Variants in TCF4 observed in about 807,000 individuals in gnomAD.
The protein encoded by TCF4 is SL3-3 enhancer factor 2.
A neutral mutation model predicts 82.1 loss-of-function variants in TCF4; 3 were observed. The ratio of observed to expected loss-of-function variants is 0.04; its 90% CI spans 0.02 to 0.09. The LOEUF is 0.09. Among genes scored for constraint, TCF4 ranks in the 10% least tolerant of loss-of-function variants. The probability of loss-of-function intolerance (pLI) is 1.00; values close to 1 mark genes in which losing one functional copy is unlikely to be tolerated. For synonymous variants in TCF4, 276 were observed against 309.6 expected (o/e 0.89, Z 1.14); for missense variants, 518 against 852.7 (o/e 0.61, Z 4.89).
intron 6 of TCF4, among the ~76,000 whole-genome samples, chr18:55,366,363 T>C (rs1479913355): frequency 6.6e-6 from 1 of 152,226 alleles, no homozygotes; most frequent in African/African-American, 2.4e-5. Context: ...TATGTTTTGC[T>C]ATAGAAATAA....
chr18:55,524,102 G>A (rs766665755), intron 3 of TCF4, among the ~76,000 whole-genome samples: 1 of 152,022 alleles, frequency 6.6e-6, no homozygotes, highest in Non-Finnish European at 1.5e-5. Flanking sequence ...TGCCTCTACA[G>A]TGTGAATAGA....
intron 3 of TCF4, among the ~76,000 whole-genome samples, chr18:55,473,693 C>A (rs1359876013): frequency 6.6e-6 from 1 of 152,172 alleles, no homozygotes; most frequent in Non-Finnish European, 1.5e-5. Context: ...CTCAAATGTG[C>A]AAACCACACT....
chr18:55,382,672 T>A (rs1379886437), intron 6 of TCF4, among the ~76,000 whole-genome samples: 1 of 152,146 alleles, frequency 6.6e-6, no homozygotes, highest in Non-Finnish European at 1.5e-5. Flanking sequence ...AAAAAGGAAG[T>A]CATTTATCAT....
intron 2 of TCF4, among the ~76,000 whole-genome samples, chr18:55,617,037 A>G (rs962916692): frequency 6.6e-5 from 10 of 152,024 alleles, no homozygotes; most frequent in Non-Finnish European, 1.2e-4. Context: ...TTTTTCCCCA[A>G]TGTTTTCTTC....
intron 2 of TCF4, among the ~76,000 whole-genome samples, chr18:55,616,361 T>C (rs1463376337): frequency 6.6e-6 from 1 of 152,102 alleles, no homozygotes; most frequent in Admixed American, 6.5e-5. Context: ...CTTTATCTGT[T>C]CATCCATTGA....
At chr18:55,511,056 T>C (rs1300421961) in intron 3 of TCF4, among the ~76,000 whole-genome samples, 1 of 152,080 alleles carries the variant, frequency 6.6e-6, no homozygotes, top group Non-Finnish European at 1.5e-5. Flanking sequence ...TTTCCTTCCT[T>C]TACGCATCAA....
intron 8 of TCF4, among the ~76,000 whole-genome samples, chr18:55,333,144 T>C (rs1316435204): frequency 6.6e-6 from 1 of 152,196 alleles, no homozygotes; most frequent in East Asian, 1.9e-4. Flanking sequence ...CCTTTTTTTC[T>C]TAAGGTTTCC....
intron 4 of TCF4, 80 bp downstream of exon 4, chr18:55,463,996 G>A (rs1265051721): frequency 1.2e-5 from 16 of 1,293,450 alleles, no homozygotes; most frequent in Non-Finnish European, 1.8e-5. Context: ...GAGAGAGAGA[G>A]AGAGAGAAAC....
In TCF4 at chr18:55,401,218, C is replaced by A; in HGVS notation, c.369+2236G>T. On this transcript the variant is annotated intron_variant, in intron 6 of 19. Transcript: ENST00000354452. ...AGAAAGCAGAAATTCATACTCTGTA[C>A]ATTTTTCATCTTCAGTCCCTATTTT... The A allele has an allele frequency of 2.5e-6, 3 of 1,197,536 alleles. No individual in the cohort carries two copies. In the South Asian group the frequency reaches 4.7e-5, roughly 19 times the overall value. The allele number at this position is 1,197,536 out of a possible 1,614,324, so 74.2% of individuals were successfully genotyped here. A position where few individuals can be genotyped will look rare whatever the true frequency, so the allele number is the denominator to read the frequency against.
chr18:55,558,764 G>A (rs1434390887), intron 3 of TCF4, among the ~76,000 whole-genome samples: 1 of 152,098 alleles, frequency 6.6e-6, no homozygotes, highest in Admixed American at 6.6e-5. Context: ...CTCTTTGAAA[G>A]GATGTGATAT....
intron 3 of TCF4, among the ~76,000 whole-genome samples, chr18:55,564,238 C>T (rs1362894133): frequency 1.3e-5 from 2 of 152,204 alleles, no homozygotes; most frequent in Non-Finnish European, 2.9e-5. Context: ...CAGTATACAG[C>T]AGCAGAAGGA....
chr18:55,281,115 A>G (rs548048179), intron 8 of TCF4, among the ~76,000 whole-genome samples: 3 of 152,322 alleles, frequency 2.0e-5, no homozygotes, highest in Admixed American at 2.0e-4. Context: ...TGTAATTTTC[A>G]TCACATTTTA....
chr18:55,309,094 T>C (rs2071356190), intron 8 of TCF4, among the ~76,000 whole-genome samples: 1 of 151,586 alleles, frequency 6.6e-6, no homozygotes, highest in African/African-American at 2.4e-5. Flanking sequence ...ACATCATTTA[T>C]TTATTATTAT....
At chr18:55,272,848 C>T (rs1409338353) in intron 10 of TCF4, among the ~76,000 whole-genome samples, 2 of 151,998 alleles carry the variant, frequency 1.3e-5, no homozygotes, top group Non-Finnish European at 2.9e-5. Flanking sequence ...GAAAAACTGC[C>T]ATCAGTTGAG....
In TCF4 at chr18:55,261,560, A is replaced by C. The variant is rs368057502; in HGVS notation, c.923-27T>G. ...TGCAAAAACAAAAGGCAGAATATGA[A>C]AACCAGGCAGTGAGACGTCTAACAA... On this transcript the variant is annotated intron_variant, in intron 11 of 19. Coordinates refer to ENST00000354452, the MANE Select transcript of TCF4 (RefSeq NM_001083962.2). 1.6e-3 allele frequency: 2,561 copies of C among 1,613,576 alleles called. 7 individuals are homozygous for C. The highest frequency in any genetic ancestry group is 1.5e-3 in the Non-Finnish European group (1,717 of 1,179,674).
chr18:55,616,837 T>G (rs540237389), intron 2 of TCF4, among the ~76,000 whole-genome samples: 1 of 152,264 alleles, frequency 6.6e-6, no homozygotes, highest in South Asian at 2.1e-4. Flanking sequence ...CTTTTTATAT[T>G]AACCTTCTAT....
chr18:55,267,560 G>C (rs144166037), intron 11 of TCF4: 1 of 151,946 alleles, frequency 6.6e-6, no homozygotes, highest in Non-Finnish European at 1.5e-5. Context: ...TTTCACGTAC[G>C]CAATTGGTGA....
rs565839872 is a variant in TCF4, at chr18:55,446,962, G to T, written c.304+14057C>A. On this transcript the variant is annotated intron_variant, in intron 5 of 19. Coordinates refer to ENST00000354452, the MANE Select transcript of TCF4 (RefSeq NM_001083962.2). ...GATCGCGCCACTGCATGCTAGCCTG[G>T]GGACAGAGCGAGACTCTGTCTCAAA... Among the ~76,000 whole-genome samples the T allele has an allele frequency of 1.5e-4, 23 of 149,324 alleles. 2 individuals are homozygous for T. Among genetic ancestry groups the T allele is most frequent in the Middle Eastern group, 3.5e-3 (1 of 288 alleles).
chr18:55,607,319 C>T (rs965319152), intron 2 of TCF4, among the ~76,000 whole-genome samples: 8 of 152,090 alleles, frequency 5.3e-5, no homozygotes, highest in African/African-American at 1.4e-4. Context: ...GTAGGTCAAA[C>T]GATCAATTGA....
Sources: gnomAD v4.1 joint callset for allele counts (sites outside exome capture counted in the v4.1 genomes callset) on GRCh38, gnomAD v4.1.1 for gene constraint, MANE v1.5 for transcripts, NCBI Gene and HGNC (gene_info 2026-07-23, HGNC 2026-07-21) for gene names.